The following CCR3 variants were observed in gnomAD, a reference collection of about 807,000 sequenced individuals.
The protein encoded by CCR3 is C-C motif chemokine receptor 3.
For missense variants in CCR3, 419 were observed against 437.5 expected, an observed-to-expected ratio of 0.96 and a Z score of 0.38; for synonymous variants, 203 against 179.2, an observed-to-expected ratio of 1.13 and a Z score of -1.06.
At chr3:46,242,196 G>A (rs1230728300), upstream of CCR3, among the ~76,000 whole-genome samples, 1 of 151,786 alleles carries the variant, frequency 6.6e-6, no homozygotes, top group Non-Finnish European at 1.5e-5. Context: ...AATGGGTGGA[G>A]AGCCCCTAAA....
intron 1 of CCR3, among the ~76,000 whole-genome samples, chr3:46,253,697 C>T (rs186628895): frequency 3.3e-5 from 5 of 152,062 alleles, no homozygotes; most frequent in Admixed American, 6.5e-5. Flanking sequence ...CTAGAATTAC[C>T]GGATTCTTTT....
intron 1 of CCR3, among the ~76,000 whole-genome samples, chr3:46,253,675 CT>C (rs34975568): frequency 0.43 from 65,315 of 151,874 alleles, 15,076 homozygotes; most frequent in East Asian, 0.64. Flanking sequence ...ACATGTTAAC[CT>C]TTAAGGGAAA....
intron 2 of CCR3, among the ~76,000 whole-genome samples, chr3:46,221,416 T>C (rs1231799783): frequency 1.3e-5 from 2 of 152,246 alleles, no homozygotes; most frequent in Non-Finnish European, 2.9e-5. Flanking sequence ...ATATCTGCTC[T>C]TCCCACTAGC....
At chr3:46,260,578 C>A (rs1316310082) in intron 1 of CCR3, among the ~76,000 whole-genome samples, 1 of 152,210 alleles carries the variant, frequency 6.6e-6, no homozygotes, top group Non-Finnish European at 1.5e-5. Context: ...CCAGAATGAT[C>A]TCCTTTGACT....
At chr3:46,242,963 G>GTATATATA (rs71095086) in intron 1 of CCR3, among the ~76,000 whole-genome samples, 1 of 86,298 alleles carries the variant, frequency 1.2e-5, no homozygotes, top group East Asian at 7.2e-4. Flanking sequence ...ATATATATGT[G>GTATATATA]TATATATATA....
chr3:46,230,720 C>T (rs1043354293), intron 2 of CCR3, among the ~76,000 whole-genome samples: 4 of 152,242 alleles, frequency 2.6e-5, no homozygotes, highest in South Asian at 2.1e-4. Context: ...TCTACCTCCT[C>T]GCCCCGTCCT....
chr3:46,248,775 G>C (rs554624832), intron 1 of CCR3, among the ~76,000 whole-genome samples: 1 of 152,184 alleles, frequency 6.6e-6, no homozygotes, highest in African/African-American at 2.4e-5. Flanking sequence ...CAAAGGAATA[G>C]TAAAGAAAGC....
chr3:46,214,091 G>C (rs550209404), intron 2 of CCR3, among the ~76,000 whole-genome samples: 1 of 152,320 alleles, frequency 6.6e-6, no homozygotes, highest in African/African-American at 2.4e-5. Context: ...TGTATCCAAA[G>C]CATCCTTAAT....
intron 2 of CCR3, among the ~76,000 whole-genome samples, chr3:46,224,734 C>CAA (rs901561258): frequency 0.021 from 1,004 of 47,292 alleles, 40 homozygotes; most frequent in African/African-American, 0.067. Context: ...AAGACTCTGT[C>CAA]AAAAAAAAAA....
chr3:46,259,138 C>A (rs190192397), intron 1 of CCR3, among the ~76,000 whole-genome samples: 1 of 152,214 alleles, frequency 6.6e-6, no homozygotes, highest in African/African-American at 2.4e-5. Context: ...GTGGTGATTT[C>A]TCTGAAGTTT....
At chr3:46,255,052 C>G (rs963863052) in intron 1 of CCR3, among the ~76,000 whole-genome samples, 4 of 88,152 alleles carry the variant, frequency 4.5e-5, no homozygotes, top group African/African-American at 2.0e-4. Context: ...CACATCCACG[C>G]CAACATCTAT....
At chr3:46,230,168 G>A (rs1369469590) in intron 2 of CCR3, among the ~76,000 whole-genome samples, 1 of 152,030 alleles carries the variant, frequency 6.6e-6, no homozygotes, top group African/African-American at 2.4e-5. Flanking sequence ...GACTCCACAG[G>A]GTCCAGCAGA....
At chr3:46,247,438 G>A (rs1171518148) in intron 1 of CCR3, among the ~76,000 whole-genome samples, 1 of 152,192 alleles carries the variant, frequency 6.6e-6, no homozygotes, top group Non-Finnish European at 1.5e-5. Flanking sequence ...AGAAGGGAAA[G>A]TGGTGAAAGT....
chr3:46,251,695 TC>T (rs1700317124), intron 1 of CCR3, among the ~76,000 whole-genome samples: 1 of 151,824 alleles, frequency 6.6e-6, no homozygotes, highest in African/African-American at 2.4e-5. Context: ...GCGGGCTGAG[TC>T]CGAAAAGAGA....
intron 1 of CCR3, among the ~76,000 whole-genome samples, chr3:46,253,145 C>T (rs527856302): frequency 6.6e-6 from 1 of 152,236 alleles, no homozygotes; most frequent in Non-Finnish European, 1.5e-5. Flanking sequence ...CTGCTCTAGC[C>T]AATCTTCCTC....
chr3:46,264,713 AT>A (rs1700585348), intron 1 of CCR3: 1 of 435,262 alleles, frequency 2.3e-6, no homozygotes, highest in South Asian at 3.2e-5. Context: ...TATTATACAT[AT>A]TTTGCTTTTA....
At chr3:46,218,134 A>G (rs1699796138) in intron 2 of CCR3, among the ~76,000 whole-genome samples, 1 of 152,118 alleles carries the variant, frequency 6.6e-6, no homozygotes, top group Non-Finnish European at 1.5e-5. Flanking sequence ...GAAATGGGAG[A>G]TACTATAAAT....
At chr3:46,233,985 C>T (rs973608785) in intron 2 of CCR3, among the ~76,000 whole-genome samples, 5 of 152,204 alleles carry the variant, frequency 3.3e-5, no homozygotes, top group Non-Finnish European at 7.3e-5. Flanking sequence ...CAAGAGCATC[C>T]TGCCACCTCC....
intron 1 of CCR3, among the ~76,000 whole-genome samples, chr3:46,260,665 A>G (rs149274028): frequency 4.6e-5 from 7 of 152,352 alleles, no homozygotes; most frequent in Non-Finnish European, 5.9e-5. Context: ...GAAAACAAAA[A>G]TGAAAAATCT....
Sources: allele counts gnomAD v4.1 joint callset (sites outside exome capture counted in the v4.1 genomes callset), GRCh38; gene constraint gnomAD v4.1.1; transcripts MANE v1.5; gene names NCBI Gene and HGNC (gene_info 2026-07-23, HGNC 2026-07-21).